Variants in FGF1 observed in about 807,000 individuals in gnomAD.
FGF1 encodes beta-endothelial cell growth factor.
Under a neutral mutation model 13.4 loss-of-function variants are expected in FGF1, and 9 were observed. That is an observed-to-expected ratio of 0.67 (90% CI 0.40 to 1.17). FGF1 has a LOEUF of 1.17. Among genes scored for constraint, FGF1 ranks in the 50% most tolerant of loss-of-function variants. The pLI, the probability that FGF1 is intolerant of heterozygous loss-of-function variation, is 0.01. For synonymous variants in FGF1, 93 were observed against 79.0 expected (o/e 1.18, Z -0.94); for missense variants, 156 against 192.7 (o/e 0.81, Z 1.13).
chr5:142,652,764 G>A (rs1372396594), intron 1 of FGF1, among the ~76,000 whole-genome samples: 4 of 152,230 alleles, frequency 2.6e-5, no homozygotes, highest in Non-Finnish European at 4.4e-5. Flanking sequence ...GGCGGTGGCC[G>A]CAGCCCTTCC....
chr5:142,608,342 A>G (rs1758151597), intron 2 of FGF1, among the ~76,000 whole-genome samples: 1 of 151,948 alleles, frequency 6.6e-6, no homozygotes. Context: ...GTTTACCCAA[A>G]GTGAGGTCAG....
chr5:142,647,036 T>C (rs1052802566), intron 1 of FGF1, among the ~76,000 whole-genome samples: 4 of 152,112 alleles, frequency 2.6e-5, no homozygotes, highest in African/African-American at 9.7e-5. Flanking sequence ...AGGGCCCCAG[T>C]ATAATGTACA....
chr5:142,641,096 G>A (rs965312223), intron 1 of FGF1, among the ~76,000 whole-genome samples: 1 of 152,076 alleles, frequency 6.6e-6, no homozygotes, highest in South Asian at 2.1e-4. Context: ...CCCACACTTA[G>A]GTGGTTCTTC....
chr5:142,603,973 G>T (rs937255296), intron 2 of FGF1, among the ~76,000 whole-genome samples: 1 of 152,218 alleles, frequency 6.6e-6, no homozygotes, highest in Non-Finnish European at 1.5e-5. Flanking sequence ...CAACACAGAT[G>T]AGTCTGGAAA....
At chr5:142,629,464 G>C (rs980427529) in intron 1 of FGF1, among the ~76,000 whole-genome samples, 1 of 152,182 alleles carries the variant, frequency 6.6e-6, no homozygotes, top group Admixed American at 6.5e-5. Flanking sequence ...GCGCTGGGCT[G>C]CAAAAATTTT....
intron 2 of FGF1, among the ~76,000 whole-genome samples, chr5:142,608,813 G>C (rs1460101425): frequency 6.7e-6 from 1 of 149,748 alleles, no homozygotes; most frequent in Non-Finnish European, 1.5e-5. Flanking sequence ...GTGTGTGTGT[G>C]TGTATTTTAA....
chr5:142,642,012 C>G (rs1258722093), intron 1 of FGF1, among the ~76,000 whole-genome samples: 1 of 152,026 alleles, frequency 6.6e-6, no homozygotes, highest in Non-Finnish European at 1.5e-5. Context: ...AGATGATTAA[C>G]CTCTCAAATA....
chr5:142,657,753 T>C (rs1768437308), intron 1 of FGF1, among the ~76,000 whole-genome samples: 1 of 152,200 alleles, frequency 6.6e-6, no homozygotes, highest in African/African-American at 2.4e-5. Context: ...CAGCGGAACT[T>C]TCCAACCCAC....
rs929434421 is a variant in FGF1, at chr5:142,593,847, T to A, written c.*1443A>T. On this transcript the variant is annotated 3_prime_UTR_variant, in exon 4 of 4. Transcript: ENST00000337706. ...GCCTTTACATGGCATCAGTATCATA[T>A]GTTAGAGATGAATGGTGTTTCTAAT... 1 of 152,624 alleles carries A rather than the reference T, an allele frequency of 6.6e-6. No homozygotes were observed. Among genetic ancestry groups the A allele is most frequent in the African/African-American group, 2.4e-5 (1 of 41,452 alleles). The allele number at this position is 152,624 out of a possible 1,614,324, so 9.5% of individuals were successfully genotyped here. A position where few individuals can be genotyped will look rare whatever the true frequency, so the allele number is the denominator to read the frequency against.
rs568646470 is a variant in FGF1 at position 142,685,999 on chromosome 5, C to T, written c.-77G>A. 2 of 152,210 alleles carry T rather than the reference C, an allele frequency of 1.3e-5. No homozygotes were observed. Among genetic ancestry groups the T allele is most frequent in the African/African-American group, 2.4e-5 (1 of 41,438 alleles). 9.4% of individuals were successfully genotyped at this position (152,210 alleles called of 1,614,324 possible). ...CGAGGGCTGTACCTCTCTCCACACTCGCTCAGTGCTGTCCCAGGGGAAGCA... is the reference window on the plus strand; with the variant it reads ...CGAGGGCTGTACCTCTCTCCACACTTGCTCAGTGCTGTCCCAGGGGAAGCA... On this transcript the variant is annotated 5_prime_UTR_variant, in exon 1 of 4. Transcript: ENST00000337706.
At chr5:142,625,755 C>T (rs913828674) in intron 1 of FGF1, among the ~76,000 whole-genome samples, 3 of 152,252 alleles carry the variant, frequency 2.0e-5, no homozygotes, top group African/African-American at 4.8e-5. Context: ...TTAGCCTTCT[C>T]TTACTGATGT....
intron 1 of FGF1, among the ~76,000 whole-genome samples, chr5:142,617,543 C>A (rs1376527594): frequency 6.6e-6 from 1 of 152,128 alleles, no homozygotes; most frequent in Non-Finnish European, 1.5e-5. Flanking sequence ...AAGGCCACAA[C>A]TCTGCTCTCT....
intron 1 of FGF1, among the ~76,000 whole-genome samples, chr5:142,626,406 G>T (rs752793568): frequency 6.6e-6 from 1 of 152,152 alleles, no homozygotes; most frequent in East Asian, 1.9e-4. Flanking sequence ...TGGCAAAAGC[G>T]CAATTACTTT....
chr5:142,689,516 G>GC (rs1198481447), upstream of FGF1, among the ~76,000 whole-genome samples: 1 of 152,112 alleles, frequency 6.6e-6, no homozygotes, highest in Non-Finnish European at 1.5e-5. Context: ...GAAGGAAGGT[G>GC]CCTCACCCTG....
intron 1 of FGF1, among the ~76,000 whole-genome samples, chr5:142,617,050 G>T (rs547551298): frequency 1.3e-5 from 2 of 151,782 alleles, no homozygotes; most frequent in South Asian, 4.2e-4. Context: ...GCCTCTGATT[G>T]TGGGGCAATT....
chr5:142,672,199 A>C (rs938812603), intron 1 of FGF1, among the ~76,000 whole-genome samples: 1 of 152,206 alleles, frequency 6.6e-6, no homozygotes, highest in Admixed American at 6.5e-5. Flanking sequence ...CAATGTTACC[A>C]ATATTTTAAC....
intron 3 of FGF1, among the ~76,000 whole-genome samples, chr5:142,596,764 T>A (rs1470325851): frequency 6.7e-6 from 1 of 148,766 alleles, no homozygotes; most frequent in Non-Finnish European, 1.5e-5. Context: ...ATAAAAATGC[T>A]ACTTATAAGA....
Position 142,614,031 on chromosome 5 carries a change from T to C in FGF1, c.97A>G (p.Asn33Asp). Residue 33 changes from asparagine (N) to aspartate (D), a missense_variant, in exon 2 of 4, where the codon AAC becomes GAC. Asn to Asp is a conservative substitution (Grantham distance 23). Coordinates refer to ENST00000337706, the MANE Select transcript of FGF1 (RefSeq NM_000800.5). ...AGGATCCTCAGGAAGTGGCCCCCGTTGCTACAGTAGAGGAGTTTGGGCTTC... is the reference window on the plus strand; with the variant it reads ...AGGATCCTCAGGAAGTGGCCCCCGTCGCTACAGTAGAGGAGTTTGGGCTTC... ...YKKPKLLYCSNGGHFLRILPD... is the reference protein window; with the variant it reads ...YKKPKLLYCSDGGHFLRILPD... 4 of 1,614,118 alleles carry C rather than the reference T, an allele frequency of 2.5e-6. No individual in the cohort carries two copies. The highest frequency in any genetic ancestry group is 3.4e-6 in the Non-Finnish European group (4 of 1,180,018).
rs777893181 is a variant in FGF1, at chr5:142,665,503, C to T, written c.-35+20454G>A. The stretch of plus-strand genomic sequence containing the variant: ...GCAATGAATGACCCAGGACCTCCCC[C>T]CAACAAGGCTTCTCTGTCTCTTCAT... On this transcript the variant is annotated intron_variant, in intron 1 of 3. Transcript: ENST00000337706. Among the ~76,000 whole-genome samples the T allele has an allele frequency of 2.6e-5, 4 of 152,260 alleles. No individual in the cohort carries two copies. The East Asian group carries it at 5.8e-4, about 22-fold the overall frequency.
Sources: allele counts gnomAD v4.1 joint callset (sites outside exome capture counted in the v4.1 genomes callset), GRCh38; gene constraint gnomAD v4.1.1; transcripts MANE v1.5; gene names NCBI Gene and HGNC (gene_info 2026-07-23, HGNC 2026-07-21).